B3GALT1: variants seen among roughly 807,000 people sequenced by gnomAD.
B3GALT1 encodes the protein UDP-Gal:betaGlcNAc beta 1,3-galactosyltransferase, polypeptide 1.
In B3GALT1, 10 loss-of-function variants were observed where a neutral mutation model predicts 23.2. The ratio of observed to expected loss-of-function variants is 0.43; its 90% confidence interval spans 0.27 to 0.73. The LOEUF (loss-of-function observed/expected upper bound fraction) is 0.73, where lower values mean the gene tolerates loss of function less well. B3GALT1 is among the 30% of genes least tolerant of loss of function. The probability of loss-of-function intolerance (pLI) is 0.21; values close to 1 mark genes in which losing one functional copy is unlikely to be tolerated. For missense variants in B3GALT1, 299 were observed against 405.4 expected (o/e 0.74, Z 2.25); for synonymous variants, 156 against 141.5 (o/e 1.10, Z -0.73).
intron 1 of B3GALT1, among the ~76,000 whole-genome samples, chr2:167,336,495 G>A (rs75986450): frequency 0.04 from 6,059 of 152,206 alleles, 186 homozygotes; most frequent in East Asian, 0.11. Flanking sequence ...CATAAAAGCA[G>A]GTTAGATTAG....
Position 167,439,826 on chromosome 2 carries a change from AT to A in B3GALT1, c.-510-50339del, listed in dbSNP as rs373346564. 5.6e-3 allele frequency among the ~76,000 whole-genome samples: 822 copies of A among 145,840 alleles called. 6 individuals are homozygous for A. The highest frequency in any genetic ancestry group is 0.017 in the South Asian group (80 of 4,636). On this transcript the variant is annotated intron_variant, in intron 1 of 4. Transcript: ENST00000392690. ...CTATTTACTTTTCAGATTTTGTAGTATTTTTTTTTTTTACAGTTTCAGCCTC... is the reference window on the plus strand; with the variant it reads ...CTATTTACTTTTCAGATTTTGTAGTATTTTTTTTTTTACAGTTTCAGCCTC...
intron 2 of B3GALT1, among the ~76,000 whole-genome samples, chr2:167,537,021 A>T (rs559426535): frequency 6.6e-6 from 1 of 152,260 alleles, no homozygotes; most frequent in Non-Finnish European, 1.5e-5. Flanking sequence ...GAAGCCTAAC[A>T]TGGTGATTGT....
At chr2:167,676,423 T>G (rs981104863) in intron 3 of B3GALT1, among the ~76,000 whole-genome samples, 2 of 151,894 alleles carry the variant, frequency 1.3e-5, no homozygotes, top group African/African-American at 4.8e-5. Context: ...TCAGATGAGT[T>G]GTTGAGAGAA....
chr2:167,466,328 G>A (rs1248747537), intron 1 of B3GALT1, among the ~76,000 whole-genome samples: 5 of 151,412 alleles, frequency 3.3e-5, no homozygotes, highest in African/African-American at 9.8e-5. Flanking sequence ...CAAGAAAGAT[G>A]GTCTTGAGGC....
intron 4 of B3GALT1, among the ~76,000 whole-genome samples, chr2:167,850,127 A>G (rs951328947): frequency 6.6e-6 from 1 of 152,182 alleles, no homozygotes; most frequent in Non-Finnish European, 1.5e-5. Context: ...GTGGGAGAAA[A>G]TCTTCACAAT....
chr2:167,464,159 AT>A lies in B3GALT1; in HGVS notation c.-510-26004del, dbSNP rs1170151201. Among the ~76,000 whole-genome samples the A allele has an allele frequency of 7.4e-3, 1,107 of 149,390 alleles. 8 individuals carry two copies. The highest frequency in any genetic ancestry group is 0.021 in the African/African-American group (863 of 41,080). ...TGCTAAAAACCAAGAATCCTGTGCA[AT>A]TTTTTTTTTTTTTAAAAAAGGATCT... On this transcript the variant is annotated intron_variant, in intron 1 of 4. Transcript: ENST00000392690.
chr2:167,563,799 C>T (rs540955014), intron 2 of B3GALT1, among the ~76,000 whole-genome samples: 7 of 138,764 alleles, frequency 5.0e-5, no homozygotes, highest in Non-Finnish European at 9.5e-5. Flanking sequence ...CCACCTCCCC[C>T]CCGGAGGGAG....
chr2:167,786,851 T>C (rs1688351492), intron 3 of B3GALT1, among the ~76,000 whole-genome samples: 1 of 152,170 alleles, frequency 6.6e-6, no homozygotes, highest in Non-Finnish European at 1.5e-5. Context: ...GCACACTCCA[T>C]GCGTGAGTCC....
At chr2:167,723,066 T>C (rs548309797) in intron 3 of B3GALT1, among the ~76,000 whole-genome samples, 11 of 152,364 alleles carry the variant, frequency 7.2e-5, no homozygotes, top group South Asian at 6.2e-4. Flanking sequence ...CCACTTAATA[T>C]CACTTAACTA....
chr2:167,422,112 G>T (rs974244920), intron 1 of B3GALT1, among the ~76,000 whole-genome samples: 2 of 150,752 alleles, frequency 1.3e-5, no homozygotes, highest in Admixed American at 6.6e-5. Flanking sequence ...GGAGAAGAAA[G>T]AATAAGAAGG....
At chr2:167,661,195 C>A (rs1362003349) in intron 3 of B3GALT1, among the ~76,000 whole-genome samples, 1 of 152,086 alleles carries the variant, frequency 6.6e-6, no homozygotes, top group Non-Finnish European at 1.5e-5. Flanking sequence ...GCAACGTTGT[C>A]ACCCTCTTAT....
chr2:167,674,288 A>G (rs986291347), intron 3 of B3GALT1, among the ~76,000 whole-genome samples: 3 of 152,190 alleles, frequency 2.0e-5, no homozygotes, highest in Non-Finnish European at 4.4e-5. Context: ...TAGCTTATTA[A>G]TGGAAAGTTA....
chr2:167,766,440 T>C (rs1408892571), intron 3 of B3GALT1, among the ~76,000 whole-genome samples: 1 of 152,222 alleles, frequency 6.6e-6, no homozygotes, highest in East Asian at 1.9e-4. Context: ...ATGTAAACTT[T>C]ATTTCTCAAC....
rs183441057 is a variant in B3GALT1 at position 167,436,290 on chromosome 2, C to G, written c.-510-53887C>G. 6.6e-5 allele frequency among the ~76,000 whole-genome samples: 10 copies of G among 152,238 alleles called. No individual in the cohort carries two copies. In the East Asian group the frequency reaches 1.5e-3, roughly 24 times the overall value. Reference sequence around the variant, plus strand: ...CTCTACTCACGGTGTACTCCCTGTTCTTCCCTCAGCCTGCCATGAAGAGTT... The same window carrying G: ...CTCTACTCACGGTGTACTCCCTGTTGTTCCCTCAGCCTGCCATGAAGAGTT... On this transcript the variant is annotated intron_variant, in intron 1 of 4. Transcript: ENST00000392690.
At chr2:167,797,913 C>T (rs911984741) in intron 3 of B3GALT1, among the ~76,000 whole-genome samples, 1 of 152,124 alleles carries the variant, frequency 6.6e-6, no homozygotes, top group African/African-American at 2.4e-5. Flanking sequence ...ACCACGTTAG[C>T]CAGGATGGTC....
intron 2 of B3GALT1, among the ~76,000 whole-genome samples, chr2:167,609,905 TG>T (rs1685029438): frequency 6.6e-6 from 1 of 152,080 alleles, no homozygotes; most frequent in African/African-American, 2.4e-5. Context: ...GAAGGTATTG[TG>T]GGGCTAATGG....
At chr2:167,406,682 C>G (rs1349926702) in intron 1 of B3GALT1, among the ~76,000 whole-genome samples, 1 of 152,176 alleles carries the variant, frequency 6.6e-6, no homozygotes, top group Non-Finnish European at 1.5e-5. Context: ...TGCGGACAGG[C>G]AGAGACAAAG....
intron 2 of B3GALT1, among the ~76,000 whole-genome samples, chr2:167,527,588 C>T (rs966341109): frequency 3.9e-5 from 6 of 152,050 alleles, no homozygotes; most frequent in Non-Finnish European, 8.8e-5. Context: ...TTCACAAAAC[C>T]ATAAATAATA....
chr2:167,417,975 G>C (rs779460033), intron 1 of B3GALT1, among the ~76,000 whole-genome samples: 1 of 152,138 alleles, frequency 6.6e-6, no homozygotes. Context: ...TGTTTACTGC[G>C]TTGCAAAAGT....
Sources: allele counts gnomAD v4.1 joint callset (sites outside exome capture counted in the v4.1 genomes callset), GRCh38; gene constraint gnomAD v4.1.1; transcripts MANE v1.5; gene names NCBI Gene and HGNC (gene_info 2026-07-23, HGNC 2026-07-21).